The following KIF26B variants were observed in gnomAD, a reference collection of about 807,000 sequenced individuals.
The protein encoded by KIF26B is kinesin family member 26B, also known as kinesin-like protein KIF26B.
Under a neutral mutation model 151.2 loss-of-function variants are expected in KIF26B, and 63 were observed. The observed-to-expected ratio is 0.42, with a 90% CI of 0.34 to 0.51. The LOEUF (loss-of-function observed/expected upper bound fraction) is 0.51. KIF26B is among the 20% of genes least tolerant of loss of function. The pLI is 0.07. For missense variants in KIF26B, 2,813 were observed against 2,913.6 expected (o/e 0.97, Z 0.79); for synonymous variants, 1,357 against 1,262.1 (o/e 1.08, Z -1.59).
intron 9 of KIF26B, among the ~76,000 whole-genome samples, chr1:245,640,148 T>TATATATATATATATATATAC (rs1274131414): frequency 3.0e-4 from 26 of 85,392 alleles, no homozygotes; most frequent in Non-Finnish European, 4.7e-4. Context: ...TCTCTCTATA[T>TATATATATATATATATATAC]ATATATATAT....
At chr1:245,397,952 G>A (rs770975478) in intron 3 of KIF26B, among the ~76,000 whole-genome samples, 2 of 152,164 alleles carry the variant, frequency 1.3e-5, no homozygotes, top group Non-Finnish European at 2.9e-5. Flanking sequence ...TGCATTTTAG[G>A]GAAGTAATTT....
intron 2 of KIF26B, among the ~76,000 whole-genome samples, chr1:245,178,985 A>T (rs1404369444): frequency 5.2e-5 from 7 of 134,820 alleles, no homozygotes; most frequent in African/African-American, 1.6e-4. Context: ...TTTTTTTTTT[A>T]AATAATTACT....
intron 10 of KIF26B, among the ~76,000 whole-genome samples, chr1:245,674,990 C>T (rs907694213): frequency 2.6e-5 from 4 of 152,174 alleles, no homozygotes; most frequent in African/African-American, 9.7e-5. Context: ...GTTCCCAAAA[C>T]GACCCTCAGG....
chr1:245,594,810 T>C (rs1048640621), intron 5 of KIF26B, among the ~76,000 whole-genome samples: 31 of 152,192 alleles, frequency 2.0e-4, no homozygotes, highest in Admixed American at 1.7e-3. Flanking sequence ...GCATAGAATG[T>C]TTTTCCATTT....
chr1:245,220,599 C>T (rs759137209), intron 2 of KIF26B, among the ~76,000 whole-genome samples: 41 of 152,156 alleles, frequency 2.7e-4, no homozygotes, highest in Admixed American at 4.6e-4. Flanking sequence ...CCCAATAAAG[C>T]GTGTGGGTGG....
At chr1:245,541,493 G>A (rs1326813592) in intron 5 of KIF26B, among the ~76,000 whole-genome samples, 1 of 152,202 alleles carries the variant, frequency 6.6e-6, no homozygotes, top group Non-Finnish European at 1.5e-5. Context: ...GTGCTTACAA[G>A]CTGTTGCTCA....
Position 245,512,770 on chromosome 1 carries a change from T to C in KIF26B, c.1167-27997T>C, listed in dbSNP as rs1660864245. Among the ~76,000 whole-genome samples the C allele has an allele frequency of 6.6e-6, 1 of 152,194 alleles. No homozygotes were observed. The highest frequency in any genetic ancestry group is 1.5e-5 in the Non-Finnish European group (1 of 68,044). On this transcript the variant is annotated intron_variant, in intron 4 of 14. Coordinates refer to ENST00000407071, the MANE Select transcript of KIF26B (RefSeq NM_018012.4). The surrounding 1 kb of genome is among the most constrained non-coding windows in gnomAD (Gnocchi z 4.3). ...TGTATCACAAGGGGAAAGCTTTCGA[T>C]CTTGTGCCGTTTTGTTTTGGTTTCT...
Position 245,698,088 on chromosome 1 carries a change from G to C in KIF26B, c.5825-18G>C. 1 of 1,606,132 alleles carries C rather than the reference G, an allele frequency of 6.2e-7. No individual in the cohort carries two copies. The highest frequency in any genetic ancestry group is 2.2e-5 in the East Asian group (1 of 44,686). On this transcript the variant is annotated intron_variant, in intron 12 of 14. Transcript: ENST00000407071. The surrounding 1 kb of genome is among the most constrained non-coding windows in gnomAD (Gnocchi z 4.0). ...AAATTCAGAAAGACTAACTCTCTGGGCTTATCCCCCTCCTCAGGTTCTCAG... is the reference window on the plus strand; with the variant it reads ...AAATTCAGAAAGACTAACTCTCTGGCCTTATCCCCCTCCTCAGGTTCTCAG...
At chr1:245,587,564 A>G (rs2043241532) in intron 5 of KIF26B, among the ~76,000 whole-genome samples, 1 of 152,170 alleles carries the variant, frequency 6.6e-6, no homozygotes, top group African/African-American at 2.4e-5. Flanking sequence ...AGTTTCTTCT[A>G]GACTGAGGTT....
chr1:245,622,863 G>C (rs1244262910), intron 9 of KIF26B, among the ~76,000 whole-genome samples: 1 of 152,034 alleles, frequency 6.6e-6, no homozygotes, highest in Non-Finnish European at 1.5e-5. Flanking sequence ...TGTACCCAGA[G>C]ACACGCCTCT....
At chr1:245,642,562 GAAAAAAAAAAA>G (rs34401122) in intron 9 of KIF26B, among the ~76,000 whole-genome samples, 7,427 of 73,142 alleles carry the variant, frequency 0.1, 229 homozygotes, top group South Asian at 0.18. Flanking sequence ...CTCCGTCTCA[GAAAAAAAAAAA>G]AAAAAAAAAA....
At chr1:245,283,690 A>T (rs1013286858) in intron 2 of KIF26B, among the ~76,000 whole-genome samples, 2 of 141,682 alleles carry the variant, frequency 1.4e-5, no homozygotes, top group Admixed American at 7.1e-5. Context: ...AAGCTTGAGA[A>T]TTTTTTTTTT....
rs10927405 is a variant in KIF26B, at chr1:245,170,177, C to T, written c.465+13494C>T. Among the ~76,000 whole-genome samples, 603 of 152,236 alleles carry T rather than the reference C, an allele frequency of 4.0e-3. 5 individuals carry two copies. The highest frequency in any genetic ancestry group is 0.013 in the African/African-American group (536 of 41,532). ...TGCCTGGGTGAGTCCTGGAAAGTGC[C>T]GTGATGCCATCCCACTGACATGGCC... On this transcript the variant is annotated intron_variant, in intron 2 of 14. Coordinates refer to ENST00000407071, the MANE Select transcript of KIF26B (RefSeq NM_018012.4). The surrounding 1 kb of genome is among the most constrained non-coding windows in gnomAD (Gnocchi z 4.4).
rs766276326 is a variant in KIF26B at position 245,566,851 on chromosome 1, C to T, written c.1350+25901C>T. ...CTGAGAGAGAAGAATCACTTGAATC[C>T]GGGAGATGGAGGTTGCAGAAAGCCG... On this transcript the variant is annotated intron_variant, in intron 5 of 14. Transcript: ENST00000407071. Among the ~76,000 whole-genome samples, 113 of 152,246 alleles carry T rather than the reference C, an allele frequency of 7.4e-4. 1 individual carries two copies. Among genetic ancestry groups the T allele is most frequent in the African/African-American group, 2.6e-3 (108 of 41,520 alleles).
intron 2 of KIF26B, among the ~76,000 whole-genome samples, chr1:245,237,264 C>T (rs983946892): frequency 1.3e-5 from 2 of 152,354 alleles, no homozygotes; most frequent in African/African-American, 4.8e-5. Context: ...TAAAGTCCAT[C>T]CTTAGACTAC....
At chr1:245,501,259 ACTT>A (rs1314027385) in intron 4 of KIF26B, among the ~76,000 whole-genome samples, 1 of 152,198 alleles carries the variant, frequency 6.6e-6, no homozygotes, top group East Asian at 1.9e-4. Context: ...AAAGGTCTTA[ACTT>A]CTTTGTGTTT....
In KIF26B at chr1:245,155,189, A is replaced by T. The variant is rs1227620950; in HGVS notation, c.-236A>T. The T allele has an allele frequency of 1.8e-6, 1 of 560,218 alleles. No individual in the cohort carries two copies. The highest frequency in any genetic ancestry group is 2.0e-5 in the African/African-American group (1 of 51,144). The allele number at this position is 560,218 out of a possible 1,614,324, so 34.7% of individuals were successfully genotyped here. ...CGGCTGGAAGAGGCAGAAGGGGACG[A>T]GGAAAAGCATGCTTTGAAGAGAAGA... On this transcript the variant is annotated 5_prime_UTR_variant, in exon 1 of 15. Transcript: ENST00000407071.
intron 4 of KIF26B, among the ~76,000 whole-genome samples, chr1:245,443,272 C>G (rs577546138): frequency 8.1e-5 from 12 of 149,056 alleles, no homozygotes; most frequent in African/African-American, 3.0e-4. Context: ...GAGGTCATCT[C>G]CCTCACTGTT....
intron 10 of KIF26B, among the ~76,000 whole-genome samples, chr1:245,657,820 T>C (rs2044090833): frequency 6.6e-6 from 1 of 152,224 alleles, no homozygotes; most frequent in Non-Finnish European, 1.5e-5. Context: ...TCTTCTTATG[T>C]CTTTGACATG....
Sources: gnomAD v4.1 joint callset for allele counts (sites outside exome capture counted in the v4.1 genomes callset) on GRCh38, gnomAD v4.1.1 for gene constraint, Gnocchi (gnomAD v3.1) non-coding constraint, MANE v1.5 for transcripts, NCBI Gene and HGNC (gene_info 2026-07-23, HGNC 2026-07-21) for gene names.